Variants in TMEM243 observed in about 807,000 individuals in gnomAD.
The protein encoded by TMEM243 is MDR1 and mitochondrial taxol resistance associated.
In TMEM243, 20 loss-of-function variants were observed where a neutral mutation model predicts 15.0. The ratio of observed to expected loss-of-function variants is 1.33; its 90% confidence interval spans 0.94 to 1.93. TMEM243 has a LOEUF of 1.93. TMEM243 is among the 30% of genes most tolerant of loss of function. The probability of loss-of-function intolerance (pLI) is 0.00; values close to 1 mark genes in which losing one functional copy is unlikely to be tolerated. For synonymous variants in TMEM243, 72 were observed against 52.7 expected (o/e 1.37, Z -1.59); for missense variants, 156 against 142.1 (o/e 1.10, Z -0.50).
At chr7:87,214,563 C>T (rs1265890657) in intron 1 of TMEM243, among the ~76,000 whole-genome samples, 1 of 152,118 alleles carries the variant, frequency 6.6e-6, no homozygotes, top group Non-Finnish European at 1.5e-5. Flanking sequence ...GCCACACCAC[C>T]TAAACAGTTT....
chr7:87,204,681 G>A (rs1802075964), intron 1 of TMEM243, among the ~76,000 whole-genome samples: 1 of 152,238 alleles, frequency 6.6e-6, no homozygotes, highest in South Asian at 2.1e-4. Context: ...GGGTGGCTCT[G>A]CCCCTGTGGC....
chr7:87,205,959 A>G (rs1421043243), intron 1 of TMEM243, among the ~76,000 whole-genome samples: 1 of 152,196 alleles, frequency 6.6e-6, no homozygotes, highest in Non-Finnish European at 1.5e-5. Flanking sequence ...TGATAAAGAC[A>G]TACCTGAGAC....
chr7:87,208,151 T>C (rs544686764), intron 1 of TMEM243, among the ~76,000 whole-genome samples: 1 of 152,322 alleles, frequency 6.6e-6, no homozygotes, highest in East Asian at 1.9e-4. Context: ...AAACCAATCA[T>C]GCCTTTGCAG....
At chr7:87,212,495 C>G (rs1246070589) in intron 1 of TMEM243, among the ~76,000 whole-genome samples, 1 of 152,082 alleles carries the variant, frequency 6.6e-6, no homozygotes, top group East Asian at 1.9e-4. Context: ...AAAATCACAT[C>G]CAGAGAAAAC....
intron 1 of TMEM243, among the ~76,000 whole-genome samples, chr7:87,217,692 T>G (rs1033973217): frequency 6.6e-6 from 1 of 152,242 alleles, no homozygotes; most frequent in African/African-American, 2.4e-5. Context: ...TTTCTCTGAA[T>G]AGCTGAAGCT....
At chr7:87,219,156 G>A (rs542509590) in intron 1 of TMEM243, among the ~76,000 whole-genome samples, 71 of 152,188 alleles carry the variant, frequency 4.7e-4, no homozygotes, top group African/African-American at 1.5e-3. Context: ...CCCTCCGGAG[G>A]GGGTTCCCGC....
At chr7:87,209,493 A>G (rs1368962055) in intron 1 of TMEM243, among the ~76,000 whole-genome samples, 2 of 141,306 alleles carry the variant, frequency 1.4e-5, no homozygotes, top group Non-Finnish European at 3.2e-5. Flanking sequence ...AGTGAGAGAG[A>G]GAGAGAGAGA....
chr7:87,200,605 G>C (rs1801728116), intron 1 of TMEM243, among the ~76,000 whole-genome samples: 1 of 152,054 alleles, frequency 6.6e-6, no homozygotes, highest in Non-Finnish European at 1.5e-5. Flanking sequence ...TGCCTACCAG[G>C]ATCAAAGTAG....
chr7:87,209,714 GAC>G (rs1247095298), intron 1 of TMEM243, among the ~76,000 whole-genome samples: 3 of 145,014 alleles, frequency 2.1e-5, no homozygotes, highest in African/African-American at 5.3e-5. Context: ...GTGAGAGCGA[GAC>G]ACAGTGAGAG....
rs1290798600 is a variant in TMEM243 at position 87,196,548 on chromosome 7, G to T, written c.*88C>A. On this transcript the variant is annotated 3_prime_UTR_variant, in exon 4 of 4. Transcript: ENST00000257637. ...AATCATGTATCAGACTTCTGCAGGA[G>T]ATTCTTCAGCATACCTTATCCAAAA... 1.5e-5 allele frequency: 20 copies of T among 1,300,118 alleles called. No individual in the cohort carries two copies. The highest frequency in any genetic ancestry group is 2.1e-5 in the Non-Finnish European group (20 of 938,174). 80.5% of individuals were successfully genotyped at this position (1,300,118 alleles called of 1,614,324 possible). A position where few individuals can be genotyped will look rare whatever the true frequency, so the allele number is the denominator to read the frequency against.
intron 2 of TMEM243, chr7:87,198,290 A>C (rs1008291910): frequency 2.6e-6 from 1 of 378,664 alleles, no homozygotes; most frequent in African/African-American, 2.1e-5. Flanking sequence ...GCTGATGCCA[A>C]AATAACTTCA....
chr7:87,217,131 T>G (rs185297551), intron 1 of TMEM243, among the ~76,000 whole-genome samples: 2 of 152,356 alleles, frequency 1.3e-5, no homozygotes, highest in African/African-American at 4.8e-5. Flanking sequence ...AGGCTATATG[T>G]GTCCGTTCTC....
At chr7:87,217,234 T>C (rs1803178843) in intron 1 of TMEM243, among the ~76,000 whole-genome samples, 2 of 152,250 alleles carry the variant, frequency 1.3e-5, no homozygotes, top group Non-Finnish European at 2.9e-5. Context: ...TTCTCAGAAC[T>C]TGTAGTTCAC....
At chr7:87,210,038 A>G (rs1159750144) in intron 1 of TMEM243, among the ~76,000 whole-genome samples, 3 of 82,240 alleles carry the variant, frequency 3.6e-5, no homozygotes, top group Admixed American at 1.7e-4. Flanking sequence ...GAGGTGACAG[A>G]GAGACAGAGG....
intron 1 of TMEM243, among the ~76,000 whole-genome samples, chr7:87,201,649 G>T (rs1436863925): frequency 1.3e-5 from 2 of 152,134 alleles, no homozygotes; most frequent in Non-Finnish European, 2.9e-5. Flanking sequence ...CTCCAAATTG[G>T]AGCTAGAGTA....
intron 1 of TMEM243, chr7:87,203,186 A>G (rs1801945480): frequency 6.6e-6 from 1 of 152,208 alleles, no homozygotes; most frequent in South Asian, 2.1e-4. Flanking sequence ...TGTTTTGCCT[A>G]CTTCCAAAAT....
intron 1 of TMEM243, among the ~76,000 whole-genome samples, chr7:87,200,557 C>T (rs998801622): frequency 1.3e-5 from 2 of 152,086 alleles, no homozygotes; most frequent in African/African-American, 4.8e-5. Flanking sequence ...AGAAGTCAAG[C>T]CAATATATCA....
chr7:87,203,362 CA>C (rs1197111031), intron 1 of TMEM243, among the ~76,000 whole-genome samples: 1 of 152,084 alleles, frequency 6.6e-6, no homozygotes, highest in Non-Finnish European at 1.5e-5. Context: ...CCTGTAATCC[CA>C]GCACTTTGGG....
At chr7:87,209,810 C>T (rs1192118940) in intron 1 of TMEM243, among the ~76,000 whole-genome samples, 24 of 93,982 alleles carry the variant, frequency 2.6e-4, no homozygotes, top group Admixed American at 1.0e-4. Context: ...GAGCGAGAGA[C>T]AGTGAGAGAG....
Sources: allele counts gnomAD v4.1 joint callset (sites outside exome capture counted in the v4.1 genomes callset), GRCh38; gene constraint gnomAD v4.1.1; transcripts MANE v1.5; gene names NCBI Gene and HGNC (gene_info 2026-07-23, HGNC 2026-07-21).